CAMTA1: variants seen among roughly 807,000 people sequenced by gnomAD.
CAMTA1 encodes the protein calmodulin-binding transcription activator 1.
A neutral mutation model predicts 170.9 loss-of-function variants in CAMTA1; 27 were observed. The ratio of observed to expected loss-of-function variants is 0.16; its 90% CI spans 0.12 to 0.22. CAMTA1 has a LOEUF of 0.22. Among genes scored for constraint, CAMTA1 ranks in the 10% least tolerant of loss-of-function variants. The pLI, the probability that CAMTA1 is intolerant of heterozygous loss-of-function variation, is 1.00. For missense variants in CAMTA1, 1,619 were observed against 2,217.2 expected (o/e 0.73, Z 5.42); for synonymous variants, 833 against 891.5 (o/e 0.93, Z 1.17).
chr1:7,282,112 C>T (rs924955744), intron 5 of CAMTA1, among the ~76,000 whole-genome samples: 3 of 152,106 alleles, frequency 2.0e-5, no homozygotes, highest in African/African-American at 4.8e-5. Context: ...AGAAAGAGAG[C>T]TTTAGGGAGC....
In CAMTA1 at chr1:7,708,866, G is replaced by A. The variant is rs2096547486; in HGVS notation, c.2915-23582G>A. ...ATAATGTTTTTGTAATGTGGAAGGT[G>A]ATGATAAGTCATGTAAATAAATTTC... On this transcript the variant is annotated intron_variant, in intron 11 of 22. Coordinates refer to ENST00000303635, the MANE Select transcript of CAMTA1 (RefSeq NM_015215.4). 2.6e-5 allele frequency among the ~76,000 whole-genome samples: 4 copies of A among 152,158 alleles called. No homozygotes were observed. In the South Asian group the frequency reaches 8.3e-4, roughly 32 times the overall value.
chr1:7,180,550 C>G (rs1381675361), intron 4 of CAMTA1, among the ~76,000 whole-genome samples: 1 of 148,304 alleles, frequency 6.7e-6, no homozygotes, highest in African/African-American at 2.5e-5. Flanking sequence ...CCGGGCCCCC[C>G]TCTATCATCC....
intron 3 of CAMTA1, among the ~76,000 whole-genome samples, chr1:6,894,815 T>G (rs1205864015): frequency 6.6e-6 from 1 of 152,208 alleles, no homozygotes; most frequent in Non-Finnish European, 1.5e-5. Flanking sequence ...CGGCTTGCAT[T>G]TACATAATTA....
chr1:7,301,377 A>G (rs936029953), intron 5 of CAMTA1, among the ~76,000 whole-genome samples: 6 of 152,232 alleles, frequency 3.9e-5, no homozygotes, highest in African/African-American at 1.4e-4. Context: ...TAATTGTTGT[A>G]CCAAGTGAAA....
chr1:7,101,491 T>G (rs1642700848), intron 4 of CAMTA1, among the ~76,000 whole-genome samples: 1 of 152,252 alleles, frequency 6.6e-6, no homozygotes, highest in African/African-American at 2.4e-5. Flanking sequence ...GTCTTTGCTA[T>G]TCTTAGATTT....
intron 5 of CAMTA1, among the ~76,000 whole-genome samples, chr1:7,349,763 G>C (rs2084514087): frequency 6.6e-6 from 1 of 152,172 alleles, no homozygotes; most frequent in African/African-American, 2.4e-5. Context: ...TTTCCAAAAA[G>C]GTCACATTCA....
In CAMTA1 at chr1:6,929,320, T is replaced by C. The variant is rs552127162; in HGVS notation, c.234+104110T>C. ...TCAGCTTCCCAAGTAGTTGGGACTA[T>C]AGGCGCATACCACCATGCCCAGCTA... On this transcript the variant is annotated intron_variant, in intron 3 of 22. Transcript: ENST00000303635. 7.2e-5 allele frequency among the ~76,000 whole-genome samples: 11 copies of C among 152,008 alleles called. No individual in the cohort carries two copies. The South Asian group carries it at 2.3e-3, about 32-fold the overall frequency.
At chr1:7,617,559 C>A (rs1328806835) in intron 6 of CAMTA1, among the ~76,000 whole-genome samples, 1 of 152,118 alleles carries the variant, frequency 6.6e-6, no homozygotes, top group African/African-American at 2.4e-5. Flanking sequence ...GGCCTCAAAG[C>A]TGATGAGGTC....
chr1:6,834,742 A>G (rs142810843), intron 3 of CAMTA1: 1,607 of 154,110 alleles, frequency 0.01, 31 homozygotes, highest in African/African-American at 0.036. Context: ...GGCTCAAGCT[A>G]TCCTCCCACC....
intron 11 of CAMTA1, among the ~76,000 whole-genome samples, chr1:7,684,019 A>G (rs942491142): frequency 3.3e-5 from 5 of 152,204 alleles, no homozygotes; most frequent in African/African-American, 1.2e-4. Flanking sequence ...CTGGAGCCAC[A>G]CCAAGCAGAC....
chr1:7,348,502 C>T (rs1034347440), intron 5 of CAMTA1, among the ~76,000 whole-genome samples: 1 of 152,202 alleles, frequency 6.6e-6, no homozygotes, highest in African/African-American at 2.4e-5. Context: ...ACCACCTCCA[C>T]CTGGCCCTTG....
At chr1:7,233,228 A>C (rs1395255600) in intron 4 of CAMTA1, among the ~76,000 whole-genome samples, 1 of 152,222 alleles carries the variant, frequency 6.6e-6, no homozygotes, top group African/African-American at 2.4e-5. Flanking sequence ...CGGTGTTGGA[A>C]TATGACAAGT....
intron 6 of CAMTA1, among the ~76,000 whole-genome samples, chr1:7,505,931 C>G (rs1231884533): frequency 6.6e-6 from 1 of 152,192 alleles, no homozygotes; most frequent in Non-Finnish European, 1.5e-5. Flanking sequence ...GTCCGAGAGG[C>G]CTCCTCACCC....
intron 3 of CAMTA1, among the ~76,000 whole-genome samples, chr1:7,084,576 G>A (rs954534781): frequency 1.3e-5 from 2 of 152,242 alleles, no homozygotes; most frequent in African/African-American, 4.8e-5. Context: ...CGTCACCTCA[G>A]AGGTGGACCG....
intron 5 of CAMTA1, among the ~76,000 whole-genome samples, chr1:7,444,637 A>G (rs1262403957): frequency 6.6e-6 from 1 of 152,248 alleles, no homozygotes; most frequent in African/African-American, 2.4e-5. Flanking sequence ...GCAGAGGGTC[A>G]TGGGGGCACC....
intron 7 of CAMTA1, among the ~76,000 whole-genome samples, chr1:7,651,238 G>A (rs924067730): frequency 2.6e-5 from 4 of 152,162 alleles, no homozygotes; most frequent in Non-Finnish European, 4.4e-5. Flanking sequence ...GGGTGGACTG[G>A]ACGAGCCCAG....
intron 3 of CAMTA1, among the ~76,000 whole-genome samples, chr1:6,992,775 G>A (rs1052725298): frequency 5.9e-5 from 9 of 152,156 alleles, no homozygotes; most frequent in Admixed American, 4.6e-4. Flanking sequence ...GCAGCAAGGG[G>A]GAAATGCGTT....
intron 5 of CAMTA1, among the ~76,000 whole-genome samples, chr1:7,368,671 T>A (rs2150036619): frequency 6.6e-6 from 1 of 152,342 alleles, no homozygotes; most frequent in Non-Finnish European, 1.5e-5. Flanking sequence ...TCTTTTCTCG[T>A]CTGCCCTCCC....
At chr1:6,847,777 C>T (rs1378736938) in intron 3 of CAMTA1, among the ~76,000 whole-genome samples, 1 of 151,138 alleles carries the variant, frequency 6.6e-6, no homozygotes, top group African/African-American at 2.4e-5. Context: ...GATCTCTGCT[C>T]ACTGCAACCT....
Sources: allele counts gnomAD v4.1 joint callset (sites outside exome capture counted in the v4.1 genomes callset), GRCh38; gene constraint gnomAD v4.1.1; transcripts MANE v1.5; gene names NCBI Gene and HGNC (gene_info 2026-07-23, HGNC 2026-07-21).